The following XYLT1 variants were observed in gnomAD, a reference collection of about 807,000 sequenced individuals.
XYLT1 encodes beta-D-xylosyltransferase 1.
Under a neutral mutation model 91.3 loss-of-function variants are expected in XYLT1, and 36 were observed. The observed-to-expected ratio is 0.39, with a 90% CI of 0.30 to 0.52. The LOEUF (loss-of-function observed/expected upper bound fraction) is 0.52, where lower values mean the gene tolerates loss of function less well. XYLT1 is among the 20% of genes least tolerant of loss of function. The pLI is 0.68. For synonymous variants in XYLT1, 588 were observed against 532.0 expected (o/e 1.11, Z -1.45); for missense variants, 1,242 against 1,284.5 (o/e 0.97, Z 0.51).
rs11398471 is a variant in XYLT1, at chr16:17,366,061, C to CTTT, written c.364-8014_364-8012dup. ...CCTGTGGATGCTTCAAGCTGGTTTG[C>CTTT]TTTTTTTTTTTTTTTTTGGCCTGCA... On this transcript the variant is annotated intron_variant, in intron 1 of 11. Coordinates refer to ENST00000261381, the MANE Select transcript of XYLT1 (RefSeq NM_022166.4). Among the ~76,000 whole-genome samples, 199 of 128,618 alleles carry CTTT rather than the reference C, an allele frequency of 1.5e-3. 3 individuals are homozygous for CTTT. Among genetic ancestry groups the CTTT allele is most frequent in the Middle Eastern group, 4.0e-3 (1 of 252 alleles). The allele number at this position is 128,618 out of a possible 152,430, so 84.4% of individuals were successfully genotyped here. A position where few individuals can be genotyped will look rare whatever the true frequency, so the allele number is the denominator to read the frequency against.
chr16:17,211,505 GAGT>G (rs1191765059), intron 3 of XYLT1, among the ~76,000 whole-genome samples: 1 of 152,130 alleles, frequency 6.6e-6, no homozygotes, highest in Non-Finnish European at 1.5e-5. Context: ...CTAATTTGTT[GAGT>G]ACTTAACATT....
intron 1 of XYLT1, among the ~76,000 whole-genome samples, chr16:17,381,639 C>T (rs1233954468): frequency 1.3e-5 from 2 of 152,162 alleles, no homozygotes; most frequent in African/African-American, 2.4e-5. Flanking sequence ...GTTGGCCAGG[C>T]TGGTCTTGAA....
rs139894764 is a variant in XYLT1, at chr16:17,173,313, G to C, written c.1290-14404C>G. Among the ~76,000 whole-genome samples the C allele has an allele frequency of 1.1e-4, 17 of 152,332 alleles. No individual in the cohort carries two copies. The East Asian group carries it at 3.3e-3, about 29-fold the overall frequency. ...CAAACATTTATGTTACAGCTACTAT[G>C]AGTCACGTGCTGTTTCAGATGCTGG... On this transcript the variant is annotated intron_variant, in intron 5 of 11. Coordinates refer to ENST00000261381, the MANE Select transcript of XYLT1 (RefSeq NM_022166.4).
At chr16:17,167,300 C>T (rs887244097) in intron 5 of XYLT1, among the ~76,000 whole-genome samples, 4 of 152,250 alleles carry the variant, frequency 2.6e-5, no homozygotes, top group Non-Finnish European at 5.9e-5. Flanking sequence ...TTGTTGAGTG[C>T]GAGTCGCACA....
intron 3 of XYLT1, among the ~76,000 whole-genome samples, chr16:17,256,580 G>A (rs900821807): frequency 6.6e-6 from 1 of 151,302 alleles, no homozygotes; most frequent in African/African-American, 2.4e-5. Flanking sequence ...AACCTGGGAG[G>A]TGGAGGTTGC....
At chr16:17,156,268 A>C (rs562075211) in intron 6 of XYLT1, among the ~76,000 whole-genome samples, 1 of 152,244 alleles carries the variant, frequency 6.6e-6, no homozygotes, top group Non-Finnish European at 1.5e-5. Flanking sequence ...TAGTGCTCAG[A>C]GAATAAATCC....
chr16:17,250,977 G>T (rs1394787581), intron 3 of XYLT1: 1 of 152,214 alleles, frequency 6.6e-6, no homozygotes, highest in African/African-American at 2.4e-5. Flanking sequence ...GGAAACTGAG[G>T]TATTTACCTG....
intron 10 of XYLT1, among the ~76,000 whole-genome samples, chr16:17,123,035 C>A (rs2030129808): frequency 6.6e-6 from 1 of 152,084 alleles, no homozygotes; most frequent in African/African-American, 2.4e-5. Context: ...GTTCTTTTTG[C>A]TTAGTCTTGT....
intron 2 of XYLT1, among the ~76,000 whole-genome samples, chr16:17,269,001 C>T (rs562038122): frequency 2.0e-5 from 3 of 152,218 alleles, no homozygotes; most frequent in South Asian, 2.1e-4. Flanking sequence ...GAGAGAGGAA[C>T]CCAGGCCCCT....
In XYLT1 at chr16:17,242,125, A is replaced by G. The variant is rs538776838; in HGVS notation, c.913+16863T>C. Reference sequence around the variant, plus strand: ...AATTACCTCCCACTAGGTCCCTCCCATGACACATGGGAATTGTGGGAGTAC... The same window carrying G: ...AATTACCTCCCACTAGGTCCCTCCCGTGACACATGGGAATTGTGGGAGTAC... On this transcript the variant is annotated intron_variant, in intron 3 of 11. Coordinates refer to ENST00000261381, the MANE Select transcript of XYLT1 (RefSeq NM_022166.4). Among the ~76,000 whole-genome samples the G allele has an allele frequency of 4.6e-5, 7 of 152,320 alleles. No homozygotes were observed. In the South Asian group the frequency reaches 1.0e-3, roughly 23 times the overall value.
chr16:17,232,640 G>C (rs1242139179), intron 3 of XYLT1, among the ~76,000 whole-genome samples: 1 of 151,792 alleles, frequency 6.6e-6, no homozygotes, highest in Non-Finnish European at 1.5e-5. Context: ...TGAAGGCGAT[G>C]ACAGTGGTGG....
rs1161477133 is a variant in XYLT1, at chr16:17,105,899, C to G, written c.*2796G>C. The G allele has an allele frequency of 6.6e-6, 1 of 151,328 alleles. No individual in the cohort carries two copies. The highest frequency in any genetic ancestry group is 1.9e-4 in the East Asian group (1 of 5,178). The allele number at this position is 151,328 out of a possible 1,614,324, so 9.4% of individuals were successfully genotyped here. A position where few individuals can be genotyped will look rare whatever the true frequency, so the allele number is the denominator to read the frequency against. On this transcript the variant is annotated 3_prime_UTR_variant, in exon 12 of 12. Coordinates refer to ENST00000261381, the MANE Select transcript of XYLT1 (RefSeq NM_022166.4). ...TCCTCTTTTCTCAAATCATGCTGGG[C>G]TTTGTTTGGGATTTTCCTTAAAAAA... is the stretch of plus-strand genomic sequence containing the variant.
intron 3 of XYLT1, among the ~76,000 whole-genome samples, chr16:17,239,259 A>T (rs2033299091): frequency 6.7e-6 from 1 of 149,838 alleles, no homozygotes; most frequent in Non-Finnish European, 1.5e-5. Context: ...CCATCCACTC[A>T]CCCACCCAGT....
At chr16:17,297,273 T>C (rs1277919784) in intron 2 of XYLT1, among the ~76,000 whole-genome samples, 2 of 152,154 alleles carry the variant, frequency 1.3e-5, no homozygotes, top group Non-Finnish European at 2.9e-5. Flanking sequence ...TGGGTCCTTA[T>C]AATATATATC....
At chr16:17,273,964 C>T (rs3764251) in intron 2 of XYLT1, among the ~76,000 whole-genome samples, 81,812 of 151,458 alleles carry the variant, frequency 0.54, 24,043 homozygotes, top group African/African-American at 0.78. Flanking sequence ...CAGGCTGGAG[C>T]GCAGTAGCAT....
At chr16:17,263,697 A>G (rs2033758535) in intron 2 of XYLT1, among the ~76,000 whole-genome samples, 1 of 151,296 alleles carries the variant, frequency 6.6e-6, no homozygotes, top group South Asian at 2.1e-4. Context: ...CCCCCCTTCA[A>G]TTCATTTTTT....
intron 2 of XYLT1, among the ~76,000 whole-genome samples, chr16:17,279,488 T>C (rs1251966902): frequency 2.0e-5 from 3 of 152,296 alleles, no homozygotes; most frequent in African/African-American, 7.2e-5. Flanking sequence ...GCCAAGCTAA[T>C]ATTCCCTCTC....
At chr16:17,316,575 T>C (rs1486882072) in intron 2 of XYLT1, among the ~76,000 whole-genome samples, 1 of 151,958 alleles carries the variant, frequency 6.6e-6, no homozygotes, top group African/African-American at 2.4e-5. Context: ...TTTGTTAACT[T>C]TTGTAGAGAC....
intron 1 of XYLT1, among the ~76,000 whole-genome samples, chr16:17,418,234 G>A (rs1376918271): frequency 6.6e-6 from 1 of 152,168 alleles, no homozygotes; most frequent in South Asian, 2.1e-4. Context: ...TGTTCAGCTT[G>A]TACACACCTT....
Sources: allele counts gnomAD v4.1 joint callset (sites outside exome capture counted in the v4.1 genomes callset), GRCh38; gene constraint gnomAD v4.1.1; transcripts MANE v1.5; gene names NCBI Gene and HGNC (gene_info 2026-07-23, HGNC 2026-07-21).